The following AP1B1 variants were observed in gnomAD, a reference collection of about 807,000 sequenced individuals.
AP1B1 encodes the protein AP-1 complex subunit beta-1.
Under a neutral mutation model 104.3 loss-of-function variants are expected in AP1B1, and 36 were observed. That is an observed-to-expected ratio of 0.35 (90% CI 0.26 to 0.46). The LOEUF (loss-of-function observed/expected upper bound fraction) is 0.46, where lower values mean the gene tolerates loss of function less well. Among genes scored for constraint, AP1B1 ranks in the 20% least tolerant of loss-of-function variants. AP1B1 has a pLI of 1.00. For synonymous variants in AP1B1, 504 were observed against 517.5 expected, an observed-to-expected ratio of 0.97 and a Z score of 0.35; for missense variants, 901 against 1,247.9, an observed-to-expected ratio of 0.72 and a Z score of 4.19.
At chr22:29,336,590 T>C (rs1443963844) in intron 16 of AP1B1, among the ~76,000 whole-genome samples, 1 of 152,042 alleles carries the variant, frequency 6.6e-6, no homozygotes, top group Non-Finnish European at 1.5e-5. Context: ...TCATCTGAGG[T>C]CACGAGTTCA....
chr22:29,339,888 G>C, intron 14 of AP1B1, 114 bp from the exon 15 acceptor site: 1 of 1,138,286 alleles, frequency 8.8e-7, no homozygotes, highest in Non-Finnish European at 1.3e-6. Context: ...ATTAGTCAAC[G>C]GTAGCTCCAT....
At chr22:29,384,939 G>A (rs1424205245) in intron 1 of AP1B1, among the ~76,000 whole-genome samples, 1 of 152,216 alleles carries the variant, frequency 6.6e-6, no homozygotes, top group Non-Finnish European at 1.5e-5. Context: ...ACCCTTGCCA[G>A]AGGGCATCAA....
Position 29,340,666 on chromosome 22 carries a change from A to G in AP1B1, c.1988T>C (p.Leu663Pro). 1.3e-6 allele frequency: 2 copies of G among 1,557,110 alleles called. No individual in the cohort carries two copies. Among genetic ancestry groups the G allele is most frequent in the South Asian group, 2.4e-5 (2 of 84,368 alleles). The change falls in exon 14 of 23, where the codon CTT becomes CCT. Residue 663 changes from leucine (L) to proline (P), a missense_variant. Physicochemically the swap from Leu to Pro is moderately conservative, Grantham distance 98 (BLOSUM62 -3). This residue lies in a region of AP1B1 where 424 missense variants were observed against 494.0 expected (regional missense o/e 0.86). Transcript: ENST00000357586. The part of the protein sequence containing the change: ...MGAVDLLGGG[L>P]DSLMGDEPEG... ...GGGCCCACAACATACCAGGCTGTCA[A>G]GGCCACCGCCAAGAAGGTCCACAGC...
At chr22:29,338,560 T>C (rs2061669554) in intron 16 of AP1B1, among the ~76,000 whole-genome samples, 1 of 152,188 alleles carries the variant, frequency 6.6e-6, no homozygotes, top group Non-Finnish European at 1.5e-5. Flanking sequence ...TATGTGTAGG[T>C]AGGTTACACA....
At chr22:29,351,910 T>G in intron 7 of AP1B1, 85 bp from the exon 8 acceptor site, 1 of 1,548,850 alleles carries the variant, frequency 6.5e-7, no homozygotes, top group Non-Finnish European at 8.8e-7. Context: ...CTGGGACATT[T>G]CTGGGGTCTG....
intron 22 of AP1B1, chr22:29,329,470 G>A (rs891142877): frequency 7.2e-7 from 1 of 1,385,714 alleles, no homozygotes; most frequent in Non-Finnish European, 9.3e-7. Context: ...TGGGAACAAT[G>A]GAGTTCCGCA....
chr22:29,352,575 A>G (rs576025958), intron 7 of AP1B1, among the ~76,000 whole-genome samples: 26 of 152,190 alleles, frequency 1.7e-4, no homozygotes, highest in African/African-American at 3.6e-4. Flanking sequence ...CTTCTCCCCT[A>G]TGACCCAGCC....
chr22:29,328,513 C>G lies in AP1B1; in HGVS notation c.*308G>C. ...GTGAGCCGGAGGGGCAAGCTCCACA[C>G]TCACCCTTCAGGCACAGCTTCTGTG... On this transcript the variant is annotated 3_prime_UTR_variant, in exon 23 of 23. Coordinates refer to ENST00000357586, the MANE Select transcript of AP1B1 (RefSeq NM_001127.4). The surrounding 1 kb of genome is among the most constrained non-coding windows in gnomAD (Gnocchi z 4.1). 3.0e-6 allele frequency: 1 copy of G among 332,192 alleles called. No individual in the cohort carries two copies. Among genetic ancestry groups the G allele is most frequent in the Non-Finnish European group, 5.7e-6 (1 of 175,448 alleles). The allele number at this position is 332,192 out of a possible 1,614,324, so 20.6% of individuals were successfully genotyped here.
intron 1 of AP1B1, among the ~76,000 whole-genome samples, chr22:29,373,278 AG>A (rs1235612675): frequency 2.0e-5 from 3 of 152,190 alleles, no homozygotes; most frequent in Non-Finnish European, 4.4e-5. Flanking sequence ...TCTCAAAAAA[AG>A]AAAAAAAGAG....
At chr22:29,340,903 A>C (rs759263194) in intron 13 of AP1B1, 46 bp from the exon 14 acceptor site, 2 of 1,541,484 alleles carry the variant, frequency 1.3e-6, no homozygotes, top group South Asian at 2.4e-5. Flanking sequence ...ATGTCTCAGG[A>C]AGGTCAAAGA....
chr22:29,330,121 C>T, intron 21 of AP1B1: 1 of 1,421,178 alleles, frequency 7.0e-7, no homozygotes, highest in South Asian at 1.5e-5. Context: ...AAACCAACTG[C>T]ACCACCTTAC....
rs376740274 is a variant in AP1B1 at position 29,339,070 on chromosome 22, T to C, written c.2083A>G (p.Ile695Val). Residue 695 changes from isoleucine to valine, a missense_variant, in exon 16 of 23, where the codon ATC becomes GTC. Transcript: ENST00000357586. ...AAGAGGTCACTCAGGCCACTGCCGA[T>C]GGGTGCTCCAAGATTGGCTGGTACT... ...AAVPANLGAP[I>V]GSGLSDLFDL... 3 of 1,614,092 alleles carry C rather than the reference T, an allele frequency of 1.9e-6. No homozygotes were observed. Among genetic ancestry groups the C allele is most frequent in the Non-Finnish European group, 2.5e-6 (3 of 1,180,050 alleles).
intron 15 of AP1B1, among the ~76,000 whole-genome samples, chr22:29,339,425 C>T (rs1461251544): frequency 2.0e-5 from 3 of 152,132 alleles, no homozygotes; most frequent in Non-Finnish European, 2.9e-5. Flanking sequence ...CCAAGACACA[C>T]GGCTGGGTGG....
intron 1 of AP1B1, among the ~76,000 whole-genome samples, chr22:29,381,690 G>A (rs1007450122): frequency 1.3e-5 from 2 of 152,356 alleles, no homozygotes; most frequent in East Asian, 3.9e-4. Context: ...AAGGGTAGAA[G>A]ATCAGGTGGC....
intron 1 of AP1B1, among the ~76,000 whole-genome samples, chr22:29,384,902 C>A (rs1358023639): frequency 6.6e-6 from 1 of 152,038 alleles, no homozygotes; most frequent in Non-Finnish European, 1.5e-5. Context: ...TAGAAGAGAG[C>A]CAAATAAACA....
intron 11 of AP1B1, among the ~76,000 whole-genome samples, chr22:29,348,016 G>A (rs932968373): frequency 1.3e-5 from 2 of 152,222 alleles, no homozygotes; most frequent in African/African-American, 4.8e-5. Context: ...GCAGGTGTTG[G>A]TAACAGAAAA....
chr22:29,350,136 G>C lies in AP1B1; in HGVS notation c.1170C>G (p.Arg390=). Reference sequence around the variant, plus strand: ...TGAGGTCGAGCAGCGTGCTCACACAGCGCTCCGCAGATTGCTGCATGGGAA... The same window carrying C: ...TGAGGTCGAGCAGCGTGCTCACACACCGCTCCGCAGATTGCTGCATGGGAA... The part of the protein sequence containing the change: ...CAIKVEQSAE[R]CVSTLLDLIQ... The change falls in exon 10 of 23, where the codon CGC becomes CGG. Residue 390 remains arginine, a synonymous_variant. Coordinates refer to ENST00000357586, the MANE Select transcript of AP1B1 (RefSeq NM_001127.4). The C allele has an allele frequency of 6.2e-7, 1 of 1,614,096 alleles. No homozygotes were observed. The highest frequency in any genetic ancestry group is 8.5e-7 in the Non-Finnish European group (1 of 1,179,970).
intron 1 of AP1B1, among the ~76,000 whole-genome samples, chr22:29,381,755 CA>C (rs1017020480): frequency 6.6e-6 from 1 of 152,060 alleles, no homozygotes; most frequent in African/African-American, 2.4e-5. Context: ...CACCTGCTCC[CA>C]TAGGTATCAG....
intron 3 of AP1B1, 59 bp from the exon 4 acceptor site, chr22:29,360,018 T>C (rs2062020074): frequency 1.3e-6 from 2 of 1,572,774 alleles, no homozygotes. Context: ...AGGAAGATTT[T>C]CAGGCTGCTA....
Sources: allele counts gnomAD v4.1 joint callset (sites outside exome capture counted in the v4.1 genomes callset), GRCh38; gene constraint gnomAD v4.1.1; regional missense constraint gnomAD v4.1.1; non-coding constraint Gnocchi (gnomAD v3.1); transcripts MANE v1.5; gene names NCBI Gene and HGNC (gene_info 2026-07-23, HGNC 2026-07-21).